Variants in GRID2IP observed in about 807,000 individuals in gnomAD.
GRID2IP encodes the protein delphilin.
GRID2IP carries 78 observed loss-of-function variants against 114.3 expected under a neutral mutation model. The observed-to-expected ratio is 0.68, with a 90% CI of 0.57 to 0.82. The LOEUF (loss-of-function observed/expected upper bound fraction) is 0.82. Among genes scored for constraint, GRID2IP ranks in the 40% least tolerant of loss-of-function variants. The pLI, the probability that GRID2IP is intolerant of heterozygous loss-of-function variation, is 0.00. For missense variants in GRID2IP, 1,727 were observed against 1,678.5 expected, an observed-to-expected ratio of 1.03 and a Z score of -0.51; for synonymous variants, 809 against 724.0, an observed-to-expected ratio of 1.12 and a Z score of -1.89.
In GRID2IP at chr7:6,506,005, G is replaced by T; in HGVS notation, c.2545-98C>A. Reference sequence around the variant, plus strand: ...CTGAGGGCTGCCATAGGGGCTTCCCGAGCAAAAGCACCCATCAGGTGCTGG... The same window carrying T: ...CTGAGGGCTGCCATAGGGGCTTCCCTAGCAAAAGCACCCATCAGGTGCTGG... On this transcript the variant is annotated intron_variant, in intron 13 of 21. Coordinates refer to ENST00000457091, the MANE Select transcript of GRID2IP (RefSeq NM_001145118.2). The surrounding 1 kb of genome is among the most constrained non-coding windows in gnomAD (Gnocchi z 5.2). The T allele has an allele frequency of 1.3e-6, 1 of 759,374 alleles. No homozygotes were observed. Among genetic ancestry groups the T allele is most frequent in the Non-Finnish European group, 2.2e-6 (1 of 451,320 alleles). 47.0% of individuals were successfully genotyped at this position (759,374 alleles called of 1,614,324 possible).
chr7:6,500,126 T>C (rs1270269317), intron 20 of GRID2IP, among the ~76,000 whole-genome samples: 3 of 151,678 alleles, frequency 2.0e-5, no homozygotes. Flanking sequence ...GATGCTAGAG[T>C]GGACTAACCC....
rs1162812270 is a variant in GRID2IP, at chr7:6,523,650, C to G, written c.920-1693G>C. Among the ~76,000 whole-genome samples, 1 of 152,070 alleles carries G rather than the reference C, an allele frequency of 6.6e-6. No individual in the cohort carries two copies. Among genetic ancestry groups the G allele is most frequent in the Non-Finnish European group, 1.5e-5 (1 of 68,010 alleles). On this transcript the variant is annotated intron_variant, in intron 4 of 21. Coordinates refer to ENST00000457091, the MANE Select transcript of GRID2IP (RefSeq NM_001145118.2). This position sits in a 1 kb window ranked among gnomAD's most constrained non-coding sequence, Gnocchi z 4.5. ...GTGGCATGATCATAGCTCACTACAGCCTCGAACTTCTGGGCTCAAGTGATC... is the reference window on the plus strand; with the variant it reads ...GTGGCATGATCATAGCTCACTACAGGCTCGAACTTCTGGGCTCAAGTGATC...
At position 6,508,964 on chromosome 7, in the gene GRID2IP, G is replaced by A. The variant is rs1363928191; in HGVS notation, c.2121C>T (p.Tyr707=). The change falls in exon 12 of 22, where the codon TAC becomes TAT. Residue 707 remains tyrosine (Y), a synonymous_variant. Transcript: ENST00000457091. This position sits in a 1 kb window ranked among gnomAD's most constrained non-coding sequence, Gnocchi z 5.6. The stretch of plus-strand genomic sequence containing the variant: ...CACCTGCTTGCGTGCCCACCTCCTC[G>A]TAGTCGTTCTCCGGGGTCAGGAAAT... ...VDDFLTPEND[Y]EEMSFHDDQG... 5.0e-5 allele frequency: 77 copies of A among 1,546,480 alleles called. No homozygotes were observed. Among genetic ancestry groups the A allele is most frequent in the Non-Finnish European group, 6.5e-5 (74 of 1,146,572 alleles).
chr7:6,503,275 C>T, intron 16 of GRID2IP, 112 bp from the exon 17 acceptor site: 1 of 1,199,658 alleles, frequency 8.3e-7, no homozygotes, highest in East Asian at 2.6e-5. Context: ...GCCCGATATT[C>T]CGGTAGGAAG....
rs1172765792 is a variant in GRID2IP at position 6,502,090 on chromosome 7, T to C, written c.3179A>G (p.Lys1060Arg). 3.2e-6 allele frequency: 5 copies of C among 1,551,216 alleles called. No homozygotes were observed. The Admixed American group carries it at 9.8e-5, about 30-fold the overall frequency. ...ELNSTKTVDGKSTFLHILAKS... is the reference protein window; with the variant it reads ...ELNSTKTVDGRSTFLHILAKS... ...GGCAAGGATGTGCAGGAAGGTGGACTTCCCATCCACTGTCTTGGTGGAGTT... is the reference window on the plus strand; with the variant it reads ...GGCAAGGATGTGCAGGAAGGTGGACCTCCCATCCACTGTCTTGGTGGAGTT... The change falls in exon 19 of 22, where the codon AAG becomes AGG. Residue 1060 changes from lysine (K) to arginine (R), a missense_variant. Lys to Arg is a conservative substitution (Grantham distance 26). Transcript: ENST00000457091.
At chr7:6,502,267 C>T in intron 18 of GRID2IP, 149 bp from the exon 19 acceptor site, 1 of 722,602 alleles carries the variant, frequency 1.4e-6, no homozygotes. Context: ...CTCTGTTGCC[C>T]AGGCTGGAGT....
chr7:6,547,265 G>C (rs1285911638), intron 1 of GRID2IP, among the ~76,000 whole-genome samples: 1 of 152,210 alleles, frequency 6.6e-6, no homozygotes, highest in African/African-American at 2.4e-5. Context: ...TTTGGGTCAG[G>C]CACAGTGGCT....
chr7:6,546,329 G>A (rs554558170), intron 1 of GRID2IP, among the ~76,000 whole-genome samples: 63 of 150,570 alleles, frequency 4.2e-4, no homozygotes, highest in African/African-American at 1.5e-3. Context: ...TGCCTGCCTC[G>A]GCCTCCCAAA....
intron 2 of GRID2IP, among the ~76,000 whole-genome samples, chr7:6,527,214 G>C (rs1204248243): frequency 6.6e-6 from 1 of 152,008 alleles, no homozygotes; most frequent in Non-Finnish European, 1.5e-5. Context: ...TGGAACCCAC[G>C]AGCCCCTCAC....
At position 6,520,883 on chromosome 7, in the gene GRID2IP, A is replaced by G; in HGVS notation, c.1085-122T>C. Reference sequence around the variant, plus strand: ...GGGGTGTGGCTGTCCAGTGCCATGCATGGGAAGGCATGCCTGTGGCCCGAC... The same window carrying G: ...GGGGTGTGGCTGTCCAGTGCCATGCGTGGGAAGGCATGCCTGTGGCCCGAC... On this transcript the variant is annotated intron_variant, in intron 6 of 21. Transcript: ENST00000457091. The surrounding 1 kb of genome is among the most constrained non-coding windows in gnomAD (Gnocchi z 4.6). 1.1e-6 allele frequency: 1 copy of G among 904,584 alleles called. No individual in the cohort carries two copies. Among genetic ancestry groups the G allele is most frequent in the South Asian group, 1.7e-5 (1 of 59,410 alleles). 56.0% of individuals were successfully genotyped at this position (904,584 alleles called of 1,614,324 possible). A position where few individuals can be genotyped will look rare whatever the true frequency, so the allele number is the denominator to read the frequency against.
intron 2 of GRID2IP, chr7:6,531,176 G>T: frequency 2.1e-6 from 1 of 482,328 alleles, no homozygotes; most frequent in Non-Finnish European, 3.7e-6. Context: ...GAGCGAGCGC[G>T]CCGCGACTCC....
intron 1 of GRID2IP, among the ~76,000 whole-genome samples, chr7:6,545,600 A>G (rs1282034064): frequency 6.6e-6 from 1 of 152,188 alleles, no homozygotes; most frequent in Non-Finnish European, 1.5e-5. Flanking sequence ...CACGTTCTGT[A>G]CACGTCTGAA....
chr7:6,516,996 G>T lies in GRID2IP; in HGVS notation c.1269-2467C>A, dbSNP rs1293030378. ...GGGCCACTACTGGTCTCCGCGTCTT[G>T]GTGGTAGTGGTCCCCCGGGCCCAGC... is the stretch of plus-strand genomic sequence containing the variant. On this transcript the variant is annotated intron_variant, in intron 7 of 21. Coordinates refer to ENST00000457091, the MANE Select transcript of GRID2IP (RefSeq NM_001145118.2). This position sits in a 1 kb window ranked among gnomAD's most constrained non-coding sequence, Gnocchi z 4.3. Among the ~76,000 whole-genome samples, 1 of 151,830 alleles carries T rather than the reference G, an allele frequency of 6.6e-6. No homozygotes were observed. Among genetic ancestry groups the T allele is most frequent in the East Asian group, 1.9e-4 (1 of 5,166 alleles).
At chr7:6,504,718 C>T (rs1786525201) in intron 15 of GRID2IP, 75 bp downstream of exon 15, 7 of 1,150,010 alleles carry the variant, frequency 6.1e-6, no homozygotes, top group South Asian at 2.7e-5. Context: ...CTGTCATCCA[C>T]CTGGGCAGGT....
In GRID2IP at chr7:6,497,731, C is replaced by T; in HGVS notation, c.*43G>A. 1.4e-6 allele frequency: 2 copies of T among 1,467,988 alleles called. No homozygotes were observed. Among genetic ancestry groups the T allele is most frequent in the Non-Finnish European group, 1.9e-6 (2 of 1,077,646 alleles). The allele number at this position is 1,467,988 out of a possible 1,614,324, so 90.9% of individuals were successfully genotyped here. The stretch of plus-strand genomic sequence containing the variant: ...AGTGTCTGGGCTGCCCTCTCGGCCT[C>T]CATCTCCCTGCTCAGGCCGCAGAGG... On this transcript the variant is annotated 3_prime_UTR_variant, in exon 22 of 22. Transcript: ENST00000457091.
intron 8 of GRID2IP, among the ~76,000 whole-genome samples, chr7:6,513,676 G>A (rs1175562721): frequency 2.0e-5 from 3 of 152,298 alleles, no homozygotes; most frequent in South Asian, 2.1e-4. Context: ...TAAAGGTCAC[G>A]CTGGGAAGGC....
intron 1 of GRID2IP, among the ~76,000 whole-genome samples, chr7:6,540,686 A>ATT (rs1779803481): frequency 6.9e-5 from 2 of 29,104 alleles, no homozygotes; most frequent in Non-Finnish European, 7.5e-5. Context: ...ACACCTGGCT[A>ATT]ATTTTTTTTT....
chr7:6,543,634 G>A (rs1387235746), intron 1 of GRID2IP, among the ~76,000 whole-genome samples: 5 of 151,744 alleles, frequency 3.3e-5, no homozygotes, highest in Admixed American at 3.3e-4. Context: ...TCTGGAGTCA[G>A]GGTCTTGCTC....
In GRID2IP at chr7:6,526,351, G is replaced by C. The variant is rs1295634467; in HGVS notation, c.834-42C>G. The C allele has an allele frequency of 2.0e-6, 3 of 1,528,374 alleles. No individual in the cohort carries two copies. The highest frequency in any genetic ancestry group is 2.7e-6 in the Non-Finnish European group (3 of 1,126,902). The allele number at this position is 1,528,374 out of a possible 1,614,324, so 94.7% of individuals were successfully genotyped here. A position where few individuals can be genotyped will look rare whatever the true frequency, so the allele number is the denominator to read the frequency against. On this transcript the variant is annotated intron_variant, in intron 3 of 21. Transcript: ENST00000457091. This position sits in a 1 kb window ranked among gnomAD's most constrained non-coding sequence, Gnocchi z 7.6. ...GGGCGAGCAGCATGATGGAGAGGGG[G>C]CCCTGGGGCGCAGAGGTTGGAGATG...
Sources: allele counts gnomAD v4.1 joint callset (sites outside exome capture counted in the v4.1 genomes callset), GRCh38; gene constraint gnomAD v4.1.1; non-coding constraint Gnocchi (gnomAD v3.1); transcripts MANE v1.5; gene names NCBI Gene and HGNC (gene_info 2026-07-23, HGNC 2026-07-21).